SORL1: variants seen among roughly 807,000 people sequenced by gnomAD.
SORL1 encodes the protein sortilin related receptor 1.
In SORL1, 127 loss-of-function variants were observed where a neutral mutation model predicts 273.7. The observed-to-expected ratio is 0.46, with a 90% CI of 0.40 to 0.54. SORL1 has a LOEUF of 0.54. Ranked by LOEUF, SORL1 falls within the 20% of genes least tolerant of loss-of-function variation. The probability of loss-of-function intolerance (pLI) is 0.00; values close to 1 mark genes in which losing one functional copy is unlikely to be tolerated. For missense variants in SORL1, 2,494 were observed against 2,846.1 expected (o/e 0.88, Z 2.81); for synonymous variants, 1,031 against 1,067.4 (o/e 0.97, Z 0.66).
chr11:121,501,342 T>G (rs931498148), intron 6 of SORL1, among the ~76,000 whole-genome samples: 4 of 152,192 alleles, frequency 2.6e-5, no homozygotes, highest in Non-Finnish European at 5.9e-5. Flanking sequence ...TTTTATCACC[T>G]CAGAAAGAAA....
Position 121,522,955 on chromosome 11 carries a change from A to G in SORL1, c.1562A>G (p.Tyr521Cys). Residue 521 changes from tyrosine to cysteine, a missense_variant, in exon 11 of 48, where the codon TAC becomes TGC. Around this residue, in one of 3 missense-constraint regions of SORL1, gnomAD observed 710 missense variants for 882.5 expected, o/e 0.80. Coordinates refer to ENST00000260197, the MANE Select transcript of SORL1 (RefSeq NM_003105.6). The stretch of plus-strand genomic sequence containing the variant: ...AACTTGGCTAGCAAGACAAACGTGT[A>G]CATCTCTAGCAGTGCTGGAGCCAGG... The part of the protein sequence containing the change: ...GKNLASKTNV[Y>C]ISSSAGARWR... The G allele has an allele frequency of 6.2e-7, 1 of 1,614,002 alleles. No homozygotes were observed. Among genetic ancestry groups the G allele is most frequent in the Non-Finnish European group, 8.5e-7 (1 of 1,179,824 alleles).
At chr11:121,540,534 A>AAAAAAAAAAAAAAAAAAAAAAAAAAC (rs1862333012) in intron 12 of SORL1, among the ~76,000 whole-genome samples, 1 of 150,688 alleles carries the variant, frequency 6.6e-6, no homozygotes. Flanking sequence ...AAAAAAAAAA[A>AAAAAAAAAAAAAAAAAAAAAAAAAAC]AAGAATGCAA....
At chr11:121,626,100 A>G (rs917899811) in intron 46 of SORL1, 1 of 152,230 alleles carries the variant, frequency 6.6e-6, no homozygotes, top group Non-Finnish European at 1.5e-5. Flanking sequence ...AAGGTCCTAC[A>G]AAAACCAGCC....
At position 121,452,653 on chromosome 11, in the gene SORL1, T is replaced by C. The variant is rs749873775; in HGVS notation, c.285+37T>C. On this transcript the variant is annotated intron_variant, in intron 1 of 47. Coordinates refer to ENST00000260197, the MANE Select transcript of SORL1 (RefSeq NM_003105.6). This position sits in a 1 kb window ranked among gnomAD's most constrained non-coding sequence, Gnocchi z 5.3. ...TGCAACCCGCCTCCCTCCAGTTTTT[T>C]CCTCTCCCTGCACTTCCTCACCCCC... 57 of 1,415,302 alleles carry C rather than the reference T, an allele frequency of 4.0e-5. No homozygotes were observed. Among genetic ancestry groups the C allele is most frequent in the Non-Finnish European group, 5.1e-5 (55 of 1,086,342 alleles). The allele number at this position is 1,415,302 out of a possible 1,614,324, so 87.7% of individuals were successfully genotyped here. A position where few individuals can be genotyped will look rare whatever the true frequency, so the allele number is the denominator to read the frequency against.
chr11:121,514,524 C>T (rs528463889), intron 8 of SORL1, among the ~76,000 whole-genome samples: 4 of 152,060 alleles, frequency 2.6e-5, no homozygotes, highest in Non-Finnish European at 5.9e-5. Context: ...TTAAGAAGCG[C>T]CCTAGGTGAT....
At chr11:121,606,997 G>C in intron 36 of SORL1, 40 bp downstream of exon 36, 5 of 1,442,640 alleles carry the variant, frequency 3.5e-6, no homozygotes, top group Non-Finnish European at 4.9e-6. Context: ...TGTGTTGGGG[G>C]TGCTAGGAGA....
intron 22 of SORL1, among the ~76,000 whole-genome samples, chr11:121,567,889 CT>C (rs1006844163): frequency 1.6e-3 from 242 of 151,452 alleles, no homozygotes; most frequent in African/African-American, 5.5e-3. Context: ...TTCTATTTGC[CT>C]TTTTTTTTAT....
intron 6 of SORL1, among the ~76,000 whole-genome samples, chr11:121,508,544 A>T (rs1465532275): frequency 4.6e-5 from 7 of 152,218 alleles, no homozygotes; most frequent in African/African-American, 1.7e-4. Flanking sequence ...AAGAGCTGAT[A>T]ATGCAGCCTT....
Position 121,545,231 on chromosome 11 carries a change from C to G in SORL1, c.1865-12C>G, listed in dbSNP as rs766247626. ...GCCTCTAATGCTTCGTGCTGTGTTC[C>G]TTTTTCTTTAGGAGTTCCCTGCACA... On this transcript the variant is annotated splice_polypyrimidine_tract_variant and intron_variant, in intron 13 of 47. Transcript: ENST00000260197. The G allele has an allele frequency of 6.2e-7, 1 of 1,613,844 alleles. No individual in the cohort carries two copies. Among genetic ancestry groups the G allele is most frequent in the South Asian group, 1.1e-5 (1 of 91,068 alleles).
At chr11:121,588,244 C>T (rs1863151438) in intron 28 of SORL1, 93 bp downstream of exon 28, 3 of 1,441,366 alleles carry the variant, frequency 2.1e-6, no homozygotes, top group Admixed American at 1.7e-5. Flanking sequence ...TATTTAATAA[C>T]TGACAGGTCT....
At chr11:121,512,102 T>A (rs1861888930) in intron 6 of SORL1, among the ~76,000 whole-genome samples, 2 of 152,200 alleles carry the variant, frequency 1.3e-5, no homozygotes. Flanking sequence ...TTATCCTTTT[T>A]TGAGTGGTGG....
At chr11:121,515,262 T>C (rs369681225) in intron 8 of SORL1, among the ~76,000 whole-genome samples, 5 of 152,190 alleles carry the variant, frequency 3.3e-5, no homozygotes, top group Admixed American at 2.6e-4. Flanking sequence ...TTGGGGAAGA[T>C]AGAATATAAG....
Position 121,611,113 on chromosome 11 carries a change from T to A in SORL1, c.5277T>A (p.Gly1759=). 2 of 1,613,778 alleles carry A rather than the reference T, an allele frequency of 1.2e-6. No homozygotes were observed. Among genetic ancestry groups the A allele is most frequent in the Middle Eastern group, 3.3e-4 (2 of 6,062 alleles). Residue 1759 remains glycine, a synonymous_variant, in exon 39 of 48, where the codon GGT becomes GGA. Coordinates refer to ENST00000260197, the MANE Select transcript of SORL1 (RefSeq NM_003105.6). ...CAGATATCCACATTGACAGCTATGG[T>A]GAAAATTATCTAAGCTTCACCCTGA... ...PPPDIHIDSY[G]ENYLSFTLTM...
rs1453426280 is a variant in SORL1 at position 121,452,495 on chromosome 11, C to A, written c.164C>A (p.Pro55Gln). 2.0e-6 allele frequency: 3 copies of A among 1,483,420 alleles called. No individual in the cohort carries two copies. The highest frequency in any genetic ancestry group is 2.0e-4 in the Middle Eastern group (1 of 4,880). 91.9% of individuals were successfully genotyped at this position (1,483,420 alleles called of 1,614,324 possible). A position where few individuals can be genotyped will look rare whatever the true frequency, so the allele number is the denominator to read the frequency against. The change falls in exon 1 of 48, where the codon CCG (proline) becomes CAG (glutamine). Residue 55 changes from proline to glutamine, a missense_variant. Pro to Gln is a moderately conservative substitution (Grantham distance 76). Coordinates refer to ENST00000260197, the MANE Select transcript of SORL1 (RefSeq NM_003105.6). This position sits in a 1 kb window ranked among gnomAD's most constrained non-coding sequence, Gnocchi z 5.3. ...DRGFLVVQGD[P>Q]RELRLWARGD... ...GGCTTCCTCGTGGTGCAGGGCGACC[C>A]GCGCGAGCTGCGGCTGTGGGCGCGC... is the stretch of plus-strand genomic sequence containing the variant.
intron 6 of SORL1, among the ~76,000 whole-genome samples, chr11:121,502,260 C>G (rs543561221): frequency 6.6e-6 from 1 of 150,802 alleles, no homozygotes; most frequent in East Asian, 2.0e-4. Flanking sequence ...CTCAGCCTCC[C>G]GAGTAGCTGG....
intron 40 of SORL1, chr11:121,614,587 T>C (rs1214538560): frequency 3.2e-6 from 1 of 315,650 alleles, no homozygotes; most frequent in African/African-American, 2.2e-5. Context: ...TCCAAGGTTC[T>C]TGTTATACAA....
chr11:121,561,273 T>A (rs1862668540), intron 21 of SORL1, among the ~76,000 whole-genome samples: 2 of 152,230 alleles, frequency 1.3e-5, no homozygotes, highest in Non-Finnish European at 2.9e-5. Flanking sequence ...CAGTCTTGAC[T>A]GTCCACTTCA....
intron 25 of SORL1, among the ~76,000 whole-genome samples, chr11:121,578,751 T>C (rs1198593238): frequency 6.6e-6 from 1 of 152,246 alleles, no homozygotes; most frequent in African/African-American, 2.4e-5. Flanking sequence ...TCACATGGGA[T>C]ATTCTGTGGT....
chr11:121,627,843 C>A lies in SORL1; in HGVS notation c.6577+76C>A. On this transcript the variant is annotated intron_variant, in intron 47 of 47. Transcript: ENST00000260197. This position sits in a 1 kb window ranked among gnomAD's most constrained non-coding sequence, Gnocchi z 4.9. ...CAGCCAATGACTTGATTAGGAAACA[C>A]CCACCTTCAGCTCCTCTTTTGACCC... 4 of 990,654 alleles carry A rather than the reference C, an allele frequency of 4.0e-6. No homozygotes were observed. The African/African-American group carries it at 4.8e-5, about 12-fold the overall frequency. 61.4% of individuals were successfully genotyped at this position (990,654 alleles called of 1,614,324 possible).
Sources: gnomAD v4.1 joint callset for allele counts (sites outside exome capture counted in the v4.1 genomes callset) on GRCh38, gnomAD v4.1.1 for gene constraint, gnomAD v4.1.1 regional missense constraint, Gnocchi (gnomAD v3.1) non-coding constraint, MANE v1.5 for transcripts, NCBI Gene and HGNC (gene_info 2026-07-23, HGNC 2026-07-21) for gene names.